Variants in ATP8A2 observed in about 807,000 individuals in gnomAD.
ATP8A2 encodes the protein ATPase phospholipid transporting 8A2, also known as phospholipid-transporting ATPase IB.
ATP8A2 carries 100 observed loss-of-function variants against 165.6 expected under a neutral mutation model. That is an observed-to-expected ratio of 0.60 (90% CI 0.51 to 0.71). ATP8A2 has a LOEUF of 0.71. Ranked by LOEUF, ATP8A2 falls within the 30% of genes least tolerant of loss-of-function variation. ATP8A2 has a pLI of 0.00. For missense variants in ATP8A2, 1,227 were observed against 1,479.5 expected, an observed-to-expected ratio of 0.83 and a Z score of 2.80; for synonymous variants, 543 against 548.8, an observed-to-expected ratio of 0.99 and a Z score of 0.15.
intron 24 of ATP8A2, among the ~76,000 whole-genome samples, chr13:25,654,934 G>C (rs999576698): frequency 2.0e-5 from 3 of 152,166 alleles, no homozygotes; most frequent in Non-Finnish European, 4.4e-5. Context: ...CTCCAAAATT[G>C]GTACTCATCC....
At chr13:25,681,494 G>A (rs542571576) in intron 24 of ATP8A2, among the ~76,000 whole-genome samples, 1 of 152,262 alleles carries the variant, frequency 6.6e-6, no homozygotes, top group African/African-American at 2.4e-5. Flanking sequence ...CAGTCCTGAC[G>A]CTGCAGGGTT....
chr13:25,794,373 T>C (rs1950454185), intron 27 of ATP8A2, among the ~76,000 whole-genome samples: 1 of 152,264 alleles, frequency 6.6e-6, no homozygotes, highest in Non-Finnish European at 1.5e-5. Flanking sequence ...AGTGCTTTGC[T>C]GTGCAAATGC....
chr13:25,645,255 GCAT>G (rs1224392034), intron 24 of ATP8A2, among the ~76,000 whole-genome samples: 2 of 152,250 alleles, frequency 1.3e-5, no homozygotes, highest in East Asian at 3.9e-4. Flanking sequence ...CCCAGTAAAT[GCAT>G]CAGATCTTGT....
At chr13:25,936,858 C>A (rs1185217275) in intron 33 of ATP8A2, among the ~76,000 whole-genome samples, 2 of 152,218 alleles carry the variant, frequency 1.3e-5, no homozygotes, top group Non-Finnish European at 2.9e-5. Flanking sequence ...GTCCAAGACA[C>A]TCTCAGAGGT....
intron 25 of ATP8A2, among the ~76,000 whole-genome samples, chr13:25,743,192 G>A (rs952351426): frequency 6.6e-6 from 1 of 152,100 alleles, no homozygotes; most frequent in Non-Finnish European, 1.5e-5. Flanking sequence ...AACGTCATGT[G>A]AAGATGAAGG....
At chr13:25,583,745 G>A (rs1471323124) in intron 23 of ATP8A2, among the ~76,000 whole-genome samples, 2 of 152,236 alleles carry the variant, frequency 1.3e-5, no homozygotes, top group Non-Finnish European at 1.5e-5. Context: ...TTACTTGTAT[G>A]TGATGAGGCT....
chr13:25,879,675 G>A (rs1440719560), intron 33 of ATP8A2, among the ~76,000 whole-genome samples: 1 of 152,324 alleles, frequency 6.6e-6, no homozygotes, highest in East Asian at 1.9e-4. Flanking sequence ...GTCTCCCACT[G>A]TGCACCAGCT....
intron 2 of ATP8A2, among the ~76,000 whole-genome samples, chr13:25,528,821 C>CAT (rs2037931826): frequency 1.4e-5 from 1 of 69,856 alleles, no homozygotes; most frequent in East Asian, 2.0e-4. Flanking sequence ...CATGTGTATG[C>CAT]ACACATATGC....
chr13:25,591,342 T>C, intron 24 of ATP8A2: 1 of 456,660 alleles, frequency 2.2e-6, no homozygotes, highest in Non-Finnish European at 4.4e-6. Context: ...CTGGCAGTCA[T>C]TCTGCTTTGT....
intron 2 of ATP8A2, among the ~76,000 whole-genome samples, chr13:25,524,958 CCTT>C (rs2037796437): frequency 6.6e-6 from 1 of 150,804 alleles, no homozygotes; most frequent in Admixed American, 6.6e-5. Flanking sequence ...GTCTTTCAGT[CCTT>C]CTTTTCTTTT....
intron 33 of ATP8A2, among the ~76,000 whole-genome samples, chr13:25,925,133 A>G (rs1256628134): frequency 6.6e-6 from 1 of 152,078 alleles, no homozygotes. Flanking sequence ...CTTTTTTTTA[A>G]TAAGTGATGT....
chr13:25,372,310 G>A lies in ATP8A2; in HGVS notation c.76+22G>A, dbSNP rs1307692977. On this transcript the variant is annotated intron_variant, in intron 1 of 36. Transcript: ENST00000381655. This position sits in a 1 kb window ranked among gnomAD's most constrained non-coding sequence, Gnocchi z 4.8. ...GTGGGTGAGCTGGGAGGGGCGCGGC[G>A]AGGGAGGGTGGGCCCGGGGCGGGGG... The A allele has an allele frequency of 6.3e-6, 9 of 1,436,462 alleles. No homozygotes were observed. Among genetic ancestry groups the A allele is most frequent in the African/African-American group, 1.5e-5 (1 of 66,842 alleles). The allele number at this position is 1,436,462 out of a possible 1,614,324, so 89.0% of individuals were successfully genotyped here. A position where few individuals can be genotyped will look rare whatever the true frequency, so the allele number is the denominator to read the frequency against.
At chr13:25,680,880 AT>A (rs1376353157) in intron 24 of ATP8A2, among the ~76,000 whole-genome samples, 2 of 152,156 alleles carry the variant, frequency 1.3e-5, no homozygotes, top group Non-Finnish European at 2.9e-5. Context: ...TTTTAGAGAT[AT>A]TGTAAAAGGG....
At chr13:25,785,942 A>G (rs548148101) in intron 27 of ATP8A2, among the ~76,000 whole-genome samples, 58 of 152,362 alleles carry the variant, frequency 3.8e-4, no homozygotes, top group Non-Finnish European at 8.4e-4. Context: ...GTAGAGGATC[A>G]AGAGCAGGAT....
chr13:26,001,149 T>C (rs924266258), intron 35 of ATP8A2, among the ~76,000 whole-genome samples: 4 of 152,232 alleles, frequency 2.6e-5, no homozygotes, highest in Non-Finnish European at 4.4e-5. Flanking sequence ...GCCTTTGAGG[T>C]TGGGCTTCTT....
At chr13:25,940,275 C>G (rs1206874733) in intron 33 of ATP8A2, among the ~76,000 whole-genome samples, 4 of 152,264 alleles carry the variant, frequency 2.6e-5, no homozygotes, top group African/African-American at 9.6e-5. Context: ...GAAGCCTCTT[C>G]CCAGAGTCCT....
At chr13:25,669,873 G>C (rs1001048337) in intron 24 of ATP8A2, among the ~76,000 whole-genome samples, 13 of 152,150 alleles carry the variant, frequency 8.5e-5, no homozygotes, top group Admixed American at 6.5e-5. Flanking sequence ...ACCAGCCTCT[G>C]TGCAGCCCCT....
intron 1 of ATP8A2, among the ~76,000 whole-genome samples, chr13:25,381,084 G>T (rs1275561801): frequency 1.3e-5 from 2 of 152,048 alleles, no homozygotes; most frequent in African/African-American, 4.8e-5. Context: ...ATAGAATCTG[G>T]TTGCTTGCGT....
chr13:25,468,866 C>G (rs945462421), intron 1 of ATP8A2, 111 bp from the exon 2 acceptor site: 4 of 1,529,208 alleles, frequency 2.6e-6, no homozygotes, highest in Non-Finnish European at 3.5e-6. Flanking sequence ...CCGCCTCACC[C>G]GAGCATCCTT....
Sources: gnomAD v4.1 joint callset for allele counts (sites outside exome capture counted in the v4.1 genomes callset) on GRCh38, gnomAD v4.1.1 for gene constraint, Gnocchi (gnomAD v3.1) non-coding constraint, MANE v1.5 for transcripts, NCBI Gene and HGNC (gene_info 2026-07-23, HGNC 2026-07-21) for gene names.